Variants in MAP4K5 observed in about 807,000 individuals in gnomAD.
The protein encoded by MAP4K5 is MAPK/ERK kinase kinase kinase 5.
MAP4K5 carries 82 observed loss-of-function variants against 135.6 expected under a neutral mutation model. The observed-to-expected ratio is 0.60, with a 90% CI of 0.51 to 0.73. The LOEUF is 0.73. MAP4K5 is among the 30% of genes least tolerant of loss of function. The pLI is 0.00. For synonymous variants in MAP4K5, 347 were observed against 335.0 expected (o/e 1.04, Z -0.39); for missense variants, 907 against 1,010.9 (o/e 0.90, Z 1.39).
intron 32 of MAP4K5, 90 bp downstream of exon 32, chr14:50,423,031 T>C: frequency 1.8e-6 from 1 of 568,880 alleles, no homozygotes; most frequent in South Asian, 3.1e-5. Context: ...TCTAAGAGTT[T>C]TGTTTGAAAC....
intron 14 of MAP4K5, among the ~76,000 whole-genome samples, chr14:50,452,635 T>C (rs1430255739): frequency 6.6e-6 from 1 of 152,184 alleles, no homozygotes; most frequent in South Asian, 2.1e-4. Flanking sequence ...AACTGCCCTC[T>C]AAACTCAATA....
Position 50,486,705 on chromosome 14 carries a change from C to T in MAP4K5, c.167-511G>A, listed in dbSNP as rs1320490370. Among the ~76,000 whole-genome samples, 4 of 152,066 alleles carry T rather than the reference C, an allele frequency of 2.6e-5. No homozygotes were observed. The South Asian group carries it at 6.2e-4, about 24-fold the overall frequency. ...CAGCACCTTGGGAGGCCGAGGTGGG[C>T]GGATCACTTGAGGTCAGGAGTTCAA... is the stretch of plus-strand genomic sequence containing the variant. On this transcript the variant is annotated intron_variant, in intron 3 of 32. Transcript: ENST00000682126.
chr14:50,512,965 T>C (rs1183465885), intron 2 of MAP4K5, among the ~76,000 whole-genome samples: 1 of 152,166 alleles, frequency 6.6e-6, no homozygotes, highest in Non-Finnish European at 1.5e-5. Context: ...AAGATCTAAC[T>C]ATATTTCTGA....
At chr14:50,494,496 C>A (rs2037553708) in intron 3 of MAP4K5, among the ~76,000 whole-genome samples, 1 of 152,030 alleles carries the variant, frequency 6.6e-6, no homozygotes, top group African/African-American at 2.4e-5. Flanking sequence ...GTCAATACTA[C>A]CCAAAGTGAT....
At chr14:50,516,463 G>A (rs1421558620) in intron 2 of MAP4K5, among the ~76,000 whole-genome samples, 5 of 152,174 alleles carry the variant, frequency 3.3e-5, no homozygotes, top group South Asian at 2.1e-4. Flanking sequence ...ATTACTGAAC[G>A]CAGGCAGGTG....
chr14:50,551,489 G>A (rs1468656900), intron 1 of MAP4K5, among the ~76,000 whole-genome samples: 3 of 151,936 alleles, frequency 2.0e-5, no homozygotes, highest in Non-Finnish European at 4.4e-5. Context: ...TATTTCAAAA[G>A]ATAAAGAAAG....
At chr14:50,448,731 C>A in intron 15 of MAP4K5, 43 bp downstream of exon 15, 1 of 1,261,930 alleles carries the variant, frequency 7.9e-7, no homozygotes, top group South Asian at 1.4e-5. Flanking sequence ...AAAGTTTTCT[C>A]AAATCTTAAT....
chr14:50,451,409 T>C (rs1182054584), intron 14 of MAP4K5, among the ~76,000 whole-genome samples: 7 of 152,168 alleles, frequency 4.6e-5, no homozygotes, highest in Admixed American at 4.6e-4. Context: ...TTTGAATAAA[T>C]AGTGGCCAAG....
chr14:50,448,171 C>T (rs1355220952), intron 15 of MAP4K5, among the ~76,000 whole-genome samples: 4 of 152,028 alleles, frequency 2.6e-5, no homozygotes, highest in South Asian at 2.1e-4. Flanking sequence ...CATGCCACCA[C>T]GCCTGGCTGA....
chr14:50,512,218 TC>T (rs1797025709), intron 2 of MAP4K5, among the ~76,000 whole-genome samples: 1 of 152,144 alleles, frequency 6.6e-6, no homozygotes, highest in South Asian at 2.1e-4. Context: ...TAAAAAATTG[TC>T]TATTAATTTA....
At chr14:50,473,677 T>G (rs946848048) in intron 9 of MAP4K5, among the ~76,000 whole-genome samples, 4 of 151,402 alleles carry the variant, frequency 2.6e-5, no homozygotes, top group Non-Finnish European at 4.4e-5. Flanking sequence ...CTTCCTCAGC[T>G]CTTAAAGCAG....
At chr14:50,551,181 A>G (rs1228292914) in intron 1 of MAP4K5, among the ~76,000 whole-genome samples, 1 of 152,190 alleles carries the variant, frequency 6.6e-6, no homozygotes, top group African/African-American at 2.4e-5. Flanking sequence ...TCAATTAGAA[A>G]CAAAATGGAA....
chr14:50,462,901 C>T (rs1199056041), intron 12 of MAP4K5, 120 bp from the exon 13 acceptor site: 1 of 594,296 alleles, frequency 1.7e-6, no homozygotes, highest in East Asian at 3.1e-5. Context: ...AGTCTACTAA[C>T]ACAAATAAAC....
chr14:50,432,556 C>CAAAA (rs56267301), intron 28 of MAP4K5, among the ~76,000 whole-genome samples: 10 of 139,912 alleles, frequency 7.1e-5, no homozygotes, highest in African/African-American at 2.7e-4. Flanking sequence ...ACAAAACTCT[C>CAAAA]AAAAAAAAAA....
chr14:50,425,976 T>C lies in MAP4K5; in HGVS notation c.2328A>G (p.Val776=). 1.2e-6 allele frequency: 2 copies of C among 1,601,684 alleles called. No individual in the cohort carries two copies. The highest frequency in any genetic ancestry group is 1.7e-6 in the Non-Finnish European group (2 of 1,169,808). Reference sequence around the variant, plus strand: ...AAGCCAACACACTGTCTTGAAGGCATACTAAAAATGATAAGGGAGAAGTGA... The same window carrying C: ...AAGCCAACACACTGTCTTGAAGGCACACTAAAAATGATAAGGGAGAAGTGA... ...LSFDFRIESV[V]CLQDSVLAFW... is the part of the protein sequence containing the mutation. Residue 776 remains valine, a splice_region_variant and synonymous_variant, in exon 31 of 33, where the codon GTA becomes GTG. Transcript: ENST00000682126.
At chr14:50,477,863 C>A (rs2037138128) in intron 6 of MAP4K5, among the ~76,000 whole-genome samples, 1 of 151,948 alleles carries the variant, frequency 6.6e-6, no homozygotes, top group Non-Finnish European at 1.5e-5. Context: ...TTTGCTAAAC[C>A]TTTTATTTTT....
chr14:50,530,293 C>A (rs2038359309), intron 2 of MAP4K5, among the ~76,000 whole-genome samples: 1 of 152,130 alleles, frequency 6.6e-6, no homozygotes, highest in African/African-American at 2.4e-5. Flanking sequence ...TAAATATAAT[C>A]TTTGCTTTTT....
chr14:50,546,166 AAAATC>A (rs1437818966), intron 1 of MAP4K5, among the ~76,000 whole-genome samples: 2 of 152,224 alleles, frequency 1.3e-5, no homozygotes, highest in East Asian at 3.8e-4. Flanking sequence ...AGTTTTTTAA[AAAATC>A]AAACTGCTAT....
chr14:50,532,822 T>TGG (rs760958135), upstream of MAP4K5: 1 of 152,370 alleles, frequency 6.6e-6, no homozygotes, highest in Non-Finnish European at 1.5e-5. Flanking sequence ...GGCACACGCC[T>TGG]GGGCATTCGT....
Sources: gnomAD v4.1 joint callset for allele counts (sites outside exome capture counted in the v4.1 genomes callset) on GRCh38, gnomAD v4.1.1 for gene constraint, MANE v1.5 for transcripts, NCBI Gene and HGNC (gene_info 2026-07-23, HGNC 2026-07-21) for gene names.